The following LRTM2 variants were observed in gnomAD, a reference collection of about 807,000 sequenced individuals.
LRTM2 encodes the protein leucine-rich repeat and transmembrane domain-containing protein 2.
LRTM2 carries 18 observed loss-of-function variants against 28.1 expected under a neutral mutation model. The ratio of observed to expected loss-of-function variants is 0.64; its 90% CI spans 0.44 to 0.95. The LOEUF (loss-of-function observed/expected upper bound fraction) is 0.95, where lower values mean the gene tolerates loss of function less well. Among genes scored for constraint, LRTM2 ranks in the 40% least tolerant of loss-of-function variants. The pLI is 0.00. For missense variants in LRTM2, 436 were observed against 497.2 expected (o/e 0.88, Z 1.17); for synonymous variants, 250 against 218.7 (o/e 1.14, Z -1.26).
chr12:1,824,595 G>A (rs1864241471), intron 1 of LRTM2, among the ~76,000 whole-genome samples: 1 of 152,228 alleles, frequency 6.6e-6, no homozygotes, highest in Admixed American at 6.5e-5. Context: ...CATGGGACTT[G>A]CAGACAGGAG....
In LRTM2 at chr12:1,836,417, C is replaced by T. The variant is rs878947191; in HGVS notation, c.*1696C>T. 4 of 152,358 alleles carry T rather than the reference C, an allele frequency of 2.6e-5. No homozygotes were observed. Among genetic ancestry groups the T allele is most frequent in the African/African-American group, 9.6e-5 (4 of 41,462 alleles). 9.4% of individuals were successfully genotyped at this position (152,358 alleles called of 1,614,324 possible). ...GTTGGCAGGCCTAGCTCCTGTGCCC[C>T]ACTCCGACCCTCCCTGCTCATGCGG... On this transcript the variant is annotated 3_prime_UTR_variant, in exon 5 of 5. Transcript: ENST00000299194.
At chr12:1,830,785 T>C in intron 3 of LRTM2, 150 bp from the exon 4 acceptor site, 1 of 658,050 alleles carries the variant, frequency 1.5e-6, no homozygotes, top group Non-Finnish European at 2.6e-6. Flanking sequence ...TATGCTTTTA[T>C]GTGGTTAATA....
At chr12:1,825,295 A>G (rs75695718) in intron 1 of LRTM2, among the ~76,000 whole-genome samples, 10,322 of 152,270 alleles carry the variant, frequency 0.068, 497 homozygotes, top group African/African-American at 0.13. Flanking sequence ...CAGAAGCCTT[A>G]GGTGGAAACT....
chr12:1,835,500 C>T lies in LRTM2; in HGVS notation c.*779C>T, dbSNP rs865943221. ...AGCGCTCGAACAGCAGAGACATGCT[C>T]TTCCCCAGGGGTCTCCCTGAGACCA... On this transcript the variant is annotated 3_prime_UTR_variant, in exon 5 of 5. Transcript: ENST00000299194. 1 of 152,570 alleles carries T rather than the reference C, an allele frequency of 6.6e-6. No homozygotes were observed. Among genetic ancestry groups the T allele is most frequent in the African/African-American group, 2.4e-5 (1 of 41,460 alleles). The allele number at this position is 152,570 out of a possible 1,614,324, so 9.5% of individuals were successfully genotyped here.
Position 1,834,490 on chromosome 12 carries a change from A to G in LRTM2, c.882A>G (p.Pro294=), listed in dbSNP as rs1237931529. 1.2e-6 allele frequency: 2 copies of G among 1,609,522 alleles called. No individual in the cohort carries two copies. The highest frequency in any genetic ancestry group is 8.5e-7 in the Non-Finnish European group (1 of 1,179,878). The change falls in exon 5 of 5, where the codon CCA becomes CCG. Residue 294 remains proline, a synonymous_variant. Coordinates refer to ENST00000299194, the MANE Select transcript of LRTM2 (RefSeq NM_001039029.3). This position sits in a 1 kb window ranked among gnomAD's most constrained non-coding sequence, Gnocchi z 7.6. ...AGCCGGAGCCCAGCACAGCCTGCCC[A>G]CAGAAGCAGAGGCACCGGCCGGCGA... The part of the protein sequence containing the change: ...EPEPEPSTAC[P]QKQRHRPASV...
chr12:1,828,283 C>T lies in LRTM2; in HGVS notation c.67+68C>T, dbSNP rs995839050. On this transcript the variant is annotated intron_variant, in intron 3 of 4. Transcript: ENST00000299194. The surrounding 1 kb of genome is among the most constrained non-coding windows in gnomAD (Gnocchi z 4.2). ...GGGGTGCCGAGGTGACTGTAGGTAGCGCCATATGGGACCTTAGCCACACTC... is the reference window on the plus strand; with the variant it reads ...GGGGTGCCGAGGTGACTGTAGGTAGTGCCATATGGGACCTTAGCCACACTC... The T allele has an allele frequency of 5.7e-5, 77 of 1,358,476 alleles. No individual in the cohort carries two copies. The highest frequency in any genetic ancestry group is 1.8e-4 in the East Asian group (7 of 37,892). The allele number at this position is 1,358,476 out of a possible 1,614,324, so 84.2% of individuals were successfully genotyped here.
Position 1,834,962 on chromosome 12 carries a change from G to C in LRTM2, c.*241G>C, listed in dbSNP as rs1755939019. The stretch of plus-strand genomic sequence containing the variant: ...GGCCAGTAAATCTTTGGAACATGTG[G>C]GGGATCTCCCTAAGCTCTGGCCACA... On this transcript the variant is annotated 3_prime_UTR_variant, in exon 5 of 5. Coordinates refer to ENST00000299194, the MANE Select transcript of LRTM2 (RefSeq NM_001039029.3). This position sits in a 1 kb window ranked among gnomAD's most constrained non-coding sequence, Gnocchi z 7.6. 1.4e-6 allele frequency: 1 copy of C among 690,304 alleles called. No homozygotes were observed. Among genetic ancestry groups the C allele is most frequent in the Non-Finnish European group, 2.3e-6 (1 of 435,620 alleles). 42.8% of individuals were successfully genotyped at this position (690,304 alleles called of 1,614,324 possible). A position where few individuals can be genotyped will look rare whatever the true frequency, so the allele number is the denominator to read the frequency against.
chr12:1,832,878 C>G (rs1381928763), intron 4 of LRTM2, among the ~76,000 whole-genome samples: 1 of 152,210 alleles, frequency 6.6e-6, no homozygotes, highest in East Asian at 1.9e-4. Flanking sequence ...ATGACACAGC[C>G]AGGATTCAAC....
At chr12:1,826,511 T>G (rs1416256823) in intron 1 of LRTM2, among the ~76,000 whole-genome samples, 1 of 137,856 alleles carries the variant, frequency 7.3e-6, no homozygotes, top group Non-Finnish European at 1.5e-5. Context: ...CCACCCCTCA[T>G]GCCAGGGACG....
Position 1,834,792 on chromosome 12 carries a change from C to A in LRTM2, c.*71C>A. 1 of 1,498,174 alleles carries A rather than the reference C, an allele frequency of 6.7e-7. No individual in the cohort carries two copies. Among genetic ancestry groups the A allele is most frequent in the Non-Finnish European group, 8.9e-7 (1 of 1,128,044 alleles). 92.8% of individuals were successfully genotyped at this position (1,498,174 alleles called of 1,614,324 possible). On this transcript the variant is annotated 3_prime_UTR_variant, in exon 5 of 5. Transcript: ENST00000299194. This position sits in a 1 kb window ranked among gnomAD's most constrained non-coding sequence, Gnocchi z 7.6. ...CGGCATTGCTCAGCCACAGCTCCCA[C>A]CTTGACCCGGCGCTGGCCACTGCCT...
chr12:1,833,496 G>A lies in LRTM2; in HGVS notation c.659-771G>A, dbSNP rs1041752928. On this transcript the variant is annotated intron_variant, in intron 4 of 4. Transcript: ENST00000299194. The surrounding 1 kb of genome is among the most constrained non-coding windows in gnomAD (Gnocchi z 4.2). ...TGAAGACATCCTGGCGAGCCCGTGC[G>A]CCCAGGTACCCACACCTCCTCATCA... 7.2e-5 allele frequency among the ~76,000 whole-genome samples: 11 copies of A among 152,226 alleles called. No individual in the cohort carries two copies. The highest frequency in any genetic ancestry group is 1.9e-4 in the African/African-American group (8 of 41,540).
At chr12:1,830,662 G>A (rs951397025) in intron 3 of LRTM2, among the ~76,000 whole-genome samples, 4 of 152,222 alleles carry the variant, frequency 2.6e-5, no homozygotes, top group African/African-American at 9.6e-5. Flanking sequence ...GGCTGAGTCT[G>A]CAGGGTCATT....
Position 1,831,381 on chromosome 12 carries a change from C to T in LRTM2, c.514C>T (p.Arg172Cys), listed in dbSNP as rs776606825. The change falls in exon 4 of 5, where the codon CGC becomes TGC. Residue 172 changes from arginine (R) to cysteine (C), a missense_variant. Physicochemically the swap from Arg to Cys is radical, Grantham distance 180. Coordinates refer to ENST00000299194, the MANE Select transcript of LRTM2 (RefSeq NM_001039029.3). ...CCTGGCTCTGCGCTCCCTCTCGCTT[C>T]GCTCCAACCGTCTGCAGAATCTGGA... is the stretch of plus-strand genomic sequence containing the variant. ...GLLALRSLSL[R>C]SNRLQNLDRL... The T allele has an allele frequency of 3.7e-6, 6 of 1,614,050 alleles. No homozygotes were observed. Among genetic ancestry groups the T allele is most frequent in the South Asian group, 2.2e-5 (2 of 91,080 alleles).
chr12:1,827,753 T>C, intron 2 of LRTM2, 159 bp downstream of exon 2: 1 of 190,330 alleles, frequency 5.3e-6, no homozygotes. Flanking sequence ...GAGACCAGGT[T>C]GCCATGAAAA....
chr12:1,832,062 C>T lies in LRTM2; in HGVS notation c.658+537C>T, dbSNP rs116346206. 2.6e-3 allele frequency among the ~76,000 whole-genome samples: 397 copies of T among 152,258 alleles called. 5 individuals are homozygous for T. Among genetic ancestry groups the T allele is most frequent in the African/African-American group, 9.1e-3 (376 of 41,544 alleles). On this transcript the variant is annotated intron_variant, in intron 4 of 4. Transcript: ENST00000299194. ...ACTTCCTCTCCCAAGTTTTATTATC[C>T]AAACTTTAAGAAGAAGTCAAATGGG...
intron 3 of LRTM2, 52 bp from the exon 4 acceptor site, chr12:1,830,883 G>T: frequency 7.0e-7 from 1 of 1,432,434 alleles, no homozygotes. Context: ...AGAAGCAGGA[G>T]GTGGTGACCC....
At position 1,833,025 on chromosome 12, in the gene LRTM2, T is replaced by C. The variant is rs148325983; in HGVS notation, c.659-1242T>C. ...CGAGGTGTCAGCCGCACAGGGGAACTAGGCCGGGTGTCTTCAGACCCTCCT... is the reference window on the plus strand; with the variant it reads ...CGAGGTGTCAGCCGCACAGGGGAACCAGGCCGGGTGTCTTCAGACCCTCCT... On this transcript the variant is annotated intron_variant, in intron 4 of 4. Transcript: ENST00000299194. The surrounding 1 kb of genome is among the most constrained non-coding windows in gnomAD (Gnocchi z 4.2). Among the ~76,000 whole-genome samples, 4 of 152,248 alleles carry C rather than the reference T, an allele frequency of 2.6e-5. No homozygotes were observed. In the East Asian group the frequency reaches 7.7e-4, roughly 29 times the overall value.
chr12:1,831,182 C>G lies in LRTM2; in HGVS notation c.315C>G (p.Asp105Glu). The G allele has an allele frequency of 6.2e-7, 1 of 1,613,928 alleles. No individual in the cohort carries two copies. The highest frequency in any genetic ancestry group is 8.5e-7 in the Non-Finnish European group (1 of 1,180,036). Residue 105 changes from aspartate (D) to glutamate (E), a missense_variant, in exon 4 of 5, where the codon GAC (aspartate) becomes GAG (glutamate). Physicochemically the swap from Asp to Glu is conservative, Grantham distance 45. Transcript: ENST00000299194. ...QRLDLSNNFLDRLPRSIFGDL... is the reference protein window; with the variant it reads ...QRLDLSNNFLERLPRSIFGDL... Reference sequence around the variant, plus strand: ...TGGACCTGTCCAACAACTTCCTGGACCGGCTGCCCCGCTCCATTTTCGGGG... The same window carrying G: ...TGGACCTGTCCAACAACTTCCTGGAGCGGCTGCCCCGCTCCATTTTCGGGG...
intron 1 of LRTM2, among the ~76,000 whole-genome samples, chr12:1,822,812 C>T (rs564364869): frequency 4.6e-5 from 7 of 152,300 alleles, no homozygotes; most frequent in East Asian, 1.9e-4. Flanking sequence ...CAGCGGTAGG[C>T]GGAGCCCAGC....
Sources: gnomAD v4.1 joint callset for allele counts (sites outside exome capture counted in the v4.1 genomes callset) on GRCh38, gnomAD v4.1.1 for gene constraint, Gnocchi (gnomAD v3.1) non-coding constraint, MANE v1.5 for transcripts, NCBI Gene and HGNC (gene_info 2026-07-23, HGNC 2026-07-21) for gene names.